Variants in RAPGEF4 observed in about 807,000 individuals in gnomAD.
RAPGEF4 encodes RAP guanine-nucleotide-exchange factor (GEF) 4.
RAPGEF4 carries 66 observed loss-of-function variants against 147.9 expected under a neutral mutation model. That is an observed-to-expected ratio of 0.45 (90% CI 0.37 to 0.55). RAPGEF4 has a LOEUF of 0.55. Among genes scored for constraint, RAPGEF4 ranks in the 20% least tolerant of loss-of-function variants. RAPGEF4 has a pLI of 0.00. For synonymous variants in RAPGEF4, 419 were observed against 442.7 expected (o/e 0.95, Z 0.67); for missense variants, 1,071 against 1,257.3 (o/e 0.85, Z 2.24).
chr2:172,860,066 G>C, intron 4 of RAPGEF4: 1 of 985,408 alleles, frequency 1.0e-6, no homozygotes, highest in Non-Finnish European at 1.2e-6. Context: ...TAAAGCCGGG[G>C]CTACGGCTAA....
chr2:172,879,135 A>G (rs2149844139), intron 4 of RAPGEF4, among the ~76,000 whole-genome samples: 1 of 152,340 alleles, frequency 6.6e-6, no homozygotes, highest in South Asian at 2.1e-4. Context: ...TGTTTGCTAT[A>G]GCCAACTACT....
At chr2:173,023,910 G>A (rs3769222) in intron 23 of RAPGEF4, among the ~76,000 whole-genome samples, 104,412 of 152,110 alleles carry the variant, frequency 0.69, 38,064 homozygotes, top group East Asian at 0.88. Context: ...AAGGAAGAAC[G>A]TGCAAGGCCA....
At chr2:173,035,902 T>C (rs1311849110) in intron 27 of RAPGEF4, among the ~76,000 whole-genome samples, 1 of 152,186 alleles carries the variant, frequency 6.6e-6, no homozygotes, top group African/African-American at 2.4e-5. Context: ...CCTCTTCTTG[T>C]TGAGTAGGCT....
chr2:173,029,380 G>A (rs1332897048), intron 25 of RAPGEF4, among the ~76,000 whole-genome samples: 1 of 152,168 alleles, frequency 6.6e-6, no homozygotes, highest in Non-Finnish European at 1.5e-5. Context: ...CCCTTTTCAG[G>A]GACCTGGTAT....
chr2:172,751,391 T>C (rs868172860), intron 1 of RAPGEF4, among the ~76,000 whole-genome samples: 12 of 152,196 alleles, frequency 7.9e-5, no homozygotes, highest in African/African-American at 2.9e-4. Flanking sequence ...ATGTGCCAGA[T>C]GCTGTTCTAG....
At chr2:173,009,715 G>A (rs763090871) in intron 17 of RAPGEF4, among the ~76,000 whole-genome samples, 6 of 152,330 alleles carry the variant, frequency 3.9e-5, no homozygotes, top group South Asian at 2.1e-4. Flanking sequence ...CTGCTCAGTC[G>A]CAGTGAGCCC....
chr2:172,990,744 T>C, intron 14 of RAPGEF4, 66 bp from the exon 15 acceptor site: 1 of 1,159,574 alleles, frequency 8.6e-7, no homozygotes, highest in Non-Finnish European at 1.3e-6. Context: ...TTCTGAAGCA[T>C]TTGAAAATTT....
intron 23 of RAPGEF4, among the ~76,000 whole-genome samples, chr2:173,026,108 G>A (rs1287700145): frequency 6.6e-6 from 1 of 152,164 alleles, no homozygotes; most frequent in Non-Finnish European, 1.5e-5. Flanking sequence ...AGATGGAGAG[G>A]CAGCAGTGTT....
At chr2:172,865,399 C>T (rs1694523923) in intron 4 of RAPGEF4, among the ~76,000 whole-genome samples, 1 of 152,146 alleles carries the variant, frequency 6.6e-6, no homozygotes, top group Non-Finnish European at 1.5e-5. Context: ...CAGTTCAACA[C>T]AGTGAAATCA....
chr2:172,963,936 C>A (rs1478679578), intron 8 of RAPGEF4, among the ~76,000 whole-genome samples: 1 of 152,192 alleles, frequency 6.6e-6, no homozygotes, highest in East Asian at 1.9e-4. Flanking sequence ...AGTAGCACAA[C>A]TGTGTGTCTT....
intron 10 of RAPGEF4, among the ~76,000 whole-genome samples, chr2:172,973,858 C>T (rs890369478): frequency 2.6e-5 from 4 of 152,102 alleles, no homozygotes; most frequent in Non-Finnish European, 5.9e-5. Flanking sequence ...TGCATTTGAC[C>T]CAAGAGTCTT....
At chr2:173,047,454 A>G (rs1367945513) in intron 29 of RAPGEF4, among the ~76,000 whole-genome samples, 1 of 152,244 alleles carries the variant, frequency 6.6e-6, no homozygotes, top group East Asian at 1.9e-4. Context: ...AAAATGTTTT[A>G]AAATGCAAAT....
At chr2:173,035,175 C>T (rs1683794838) in intron 27 of RAPGEF4, among the ~76,000 whole-genome samples, 1 of 151,884 alleles carries the variant, frequency 6.6e-6, no homozygotes. Flanking sequence ...CGACCTCAGC[C>T]TTCCAAATAG....
intron 4 of RAPGEF4, among the ~76,000 whole-genome samples, chr2:172,849,116 T>C (rs778830439): frequency 4.3e-4 from 65 of 151,996 alleles, no homozygotes; most frequent in Non-Finnish European, 7.9e-4. Context: ...GATTTCTTTA[T>C]GGTCTGGACA....
chr2:172,934,747 A>C (rs2150106715), intron 6 of RAPGEF4, among the ~76,000 whole-genome samples: 1 of 151,492 alleles, frequency 6.6e-6, no homozygotes, highest in South Asian at 2.1e-4. Flanking sequence ...TTGCAGTAAA[A>C]AAAAAAAAAA....
At chr2:172,962,309 C>A (rs1689377791) in intron 8 of RAPGEF4, among the ~76,000 whole-genome samples, 1 of 152,102 alleles carries the variant, frequency 6.6e-6, no homozygotes, top group Non-Finnish European at 1.5e-5. Flanking sequence ...GAGTCAAAAC[C>A]CATTTGATTC....
At chr2:172,758,822 G>C (rs1278584837) in intron 1 of RAPGEF4, among the ~76,000 whole-genome samples, 1 of 152,176 alleles carries the variant, frequency 6.6e-6, no homozygotes. Context: ...TGTGAAATTG[G>C]ATATATGCTT....
rs756671737 is a variant in RAPGEF4, at chr2:172,798,031, C to T, written c.297+418C>T. 8.5e-5 allele frequency among the ~76,000 whole-genome samples: 13 copies of T among 152,182 alleles called. 1 individual carries two copies. Among genetic ancestry groups the T allele is most frequent in the African/African-American group, 1.9e-4 (8 of 41,448 alleles). On this transcript the variant is annotated intron_variant, in intron 3 of 30. Transcript: ENST00000397081. ...TTTGTCCTAGAAGTGATCCCCTCAT[C>T]GGCCTTGTAGGAGATCTTGTGATGC... is the stretch of plus-strand genomic sequence containing the variant.
intron 4 of RAPGEF4, among the ~76,000 whole-genome samples, chr2:172,834,858 T>C (rs902389728): frequency 6.6e-6 from 1 of 152,366 alleles, no homozygotes; most frequent in East Asian, 1.9e-4. Context: ...TATTAAATTC[T>C]GTTCTCTTTC....
Sources: gnomAD v4.1 joint callset for allele counts (sites outside exome capture counted in the v4.1 genomes callset) on GRCh38, gnomAD v4.1.1 for gene constraint, MANE v1.5 for transcripts, NCBI Gene and HGNC (gene_info 2026-07-23, HGNC 2026-07-21) for gene names.